Variants in TRPM3 observed in about 807,000 individuals in gnomAD.
TRPM3 encodes the protein long transient receptor potential channel 3.
Under a neutral mutation model 181.2 loss-of-function variants are expected in TRPM3, and 77 were observed. That is an observed-to-expected ratio of 0.42 (90% CI 0.35 to 0.51). TRPM3 has a LOEUF of 0.51. Among genes scored for constraint, TRPM3 ranks in the 20% least tolerant of loss-of-function variants. TRPM3 has a pLI of 0.01. For missense variants in TRPM3, 1,759 were observed against 2,196.7 expected, an observed-to-expected ratio of 0.80 and a Z score of 3.98; for synonymous variants, 745 against 796.4, an observed-to-expected ratio of 0.94 and a Z score of 1.09.
chr9:70,608,950 A>AGAT, intron 19 of TRPM3, among the ~76,000 whole-genome samples: 1 of 152,294 alleles, frequency 6.6e-6, no homozygotes, highest in South Asian at 2.1e-4. Flanking sequence ...AATAAAAGAA[A>AGAT]GATATTATTT....
chr9:70,885,827 C>G (rs193058482), intron 1 of TRPM3, among the ~76,000 whole-genome samples: 17 of 152,264 alleles, frequency 1.1e-4, no homozygotes, highest in Non-Finnish European at 1.0e-4. Context: ...TTTTCCCTAT[C>G]TCTTTCACCC....
At chr9:70,959,368 C>T (rs755033790) in intron 1 of TRPM3, among the ~76,000 whole-genome samples, 1 of 151,304 alleles carries the variant, frequency 6.6e-6, no homozygotes, top group African/African-American at 2.4e-5. Context: ...CTGTGGGCCC[C>T]AACATTCTGA....
intron 1 of TRPM3, among the ~76,000 whole-genome samples, chr9:71,115,753 C>A (rs1160530394): frequency 6.6e-6 from 1 of 152,174 alleles, no homozygotes; most frequent in Non-Finnish European, 1.5e-5. Flanking sequence ...CCAGTGACCA[C>A]ACATTTTCAT....
At chr9:70,754,947 T>C (rs1796595965) in intron 8 of TRPM3, among the ~76,000 whole-genome samples, 1 of 152,162 alleles carries the variant, frequency 6.6e-6, no homozygotes, top group African/African-American at 2.4e-5. Flanking sequence ...TTCCTTTCCT[T>C]GTCTCTGCAA....
chr9:70,751,003 G>T (rs2076043940), intron 8 of TRPM3, among the ~76,000 whole-genome samples: 1 of 151,762 alleles, frequency 6.6e-6, no homozygotes, highest in African/African-American at 2.4e-5. Flanking sequence ...GGTCTTATAA[G>T]GAAATACCTA....
chr9:71,198,553 A>T (rs889448932), intron 1 of TRPM3, among the ~76,000 whole-genome samples: 6 of 152,048 alleles, frequency 3.9e-5, no homozygotes, highest in African/African-American at 1.4e-4. Flanking sequence ...TTCATTGAGC[A>T]GTAGTTTGTA....
At chr9:70,774,840 T>C (rs996526098) in intron 7 of TRPM3, 4 of 151,136 alleles carry the variant, frequency 2.6e-5, no homozygotes, top group South Asian at 2.1e-4. Context: ...GTCCAACAAT[T>C]AGGATAGTGC....
chr9:71,334,960 A>G (rs891678321), intron 1 of TRPM3, among the ~76,000 whole-genome samples: 2 of 152,128 alleles, frequency 1.3e-5, no homozygotes, highest in African/African-American at 4.8e-5. Context: ...AGAATCACTG[A>G]AGAGAAATCA....
At chr9:71,003,617 A>T (rs936096178) in intron 1 of TRPM3, among the ~76,000 whole-genome samples, 3 of 152,064 alleles carry the variant, frequency 2.0e-5, no homozygotes, top group Admixed American at 6.5e-5. Flanking sequence ...TGATCTTTTG[A>T]ATTTTTACCA....
rs559766500 is a variant in TRPM3, at chr9:71,286,167, C to T, written c.183+160486G>A. On this transcript the variant is annotated intron_variant, in intron 1 of 24. Transcript: ENST00000357533. ...TAAGGTAGCGAGGTATGGGAATCAC[C>T]GCAATTTTGTGAGGTGTCATCAGAC... Among the ~76,000 whole-genome samples the T allele has an allele frequency of 7.9e-5, 12 of 152,118 alleles. No individual in the cohort carries two copies. The South Asian group carries it at 1.2e-3, about 16-fold the overall frequency.
intron 22 of TRPM3, among the ~76,000 whole-genome samples, chr9:70,557,452 G>T (rs1416409169): frequency 1.3e-5 from 2 of 152,214 alleles, no homozygotes; most frequent in African/African-American, 4.8e-5. Context: ...TTCTATAATG[G>T]TTTCTAATGA....
At chr9:71,282,235 G>C (rs1159957974) in intron 1 of TRPM3, among the ~76,000 whole-genome samples, 1 of 75,224 alleles carries the variant, frequency 1.3e-5, no homozygotes, top group Non-Finnish European at 2.7e-5. Context: ...GAAAGAAAAA[G>C]AAAGAATGAA....
intron 1 of TRPM3, among the ~76,000 whole-genome samples, chr9:71,089,555 A>G (rs983183569): frequency 6.6e-6 from 1 of 151,698 alleles, no homozygotes; most frequent in Admixed American, 6.6e-5. Flanking sequence ...GTATAAAATA[A>G]TATTTGGACA....
intron 1 of TRPM3, chr9:70,917,395 C>T (rs1375155957): frequency 1.1e-6 from 1 of 881,238 alleles, no homozygotes. Context: ...TCCAAGAGCT[C>T]AGTGGGGACA....
Position 71,134,829 on chromosome 9 carries a change from T to C in TRPM3, c.184-270318A>G, listed in dbSNP as rs538716648. On this transcript the variant is annotated intron_variant, in intron 1 of 24. Transcript: ENST00000357533. ...ACTTTGAAGCTCAGAGTCAATACCT[T>C]GAATTAAGCTCTGTGGACTTACAGC... Among the ~76,000 whole-genome samples, 4 of 152,316 alleles carry C rather than the reference T, an allele frequency of 2.6e-5. No homozygotes were observed. The East Asian group carries it at 7.7e-4, about 29-fold the overall frequency.
chr9:70,665,566 C>T (rs74916681), intron 9 of TRPM3, among the ~76,000 whole-genome samples: 1,552 of 152,260 alleles, frequency 0.01, 28 homozygotes, highest in African/African-American at 0.036. Flanking sequence ...CAGTACTTCG[C>T]AGGTGTCCCA....
chr9:70,749,495 C>T (rs2135033145), intron 8 of TRPM3, among the ~76,000 whole-genome samples: 1 of 152,124 alleles, frequency 6.6e-6, no homozygotes, highest in East Asian at 1.9e-4. Context: ...CAATAACTAG[C>T]ACAAATCCAA....
intron 1 of TRPM3, among the ~76,000 whole-genome samples, chr9:71,062,378 C>T (rs902277315): frequency 5.3e-5 from 8 of 152,048 alleles, no homozygotes; most frequent in Non-Finnish European, 2.9e-5. Flanking sequence ...TCTAAATACC[C>T]TCCTTTCTAT....
chr9:70,806,256 G>A (rs1049750539), intron 6 of TRPM3, among the ~76,000 whole-genome samples: 32 of 151,894 alleles, frequency 2.1e-4, no homozygotes, highest in Admixed American at 1.6e-3. Flanking sequence ...GAGGAGAAGT[G>A]CTGTTTGTTT....
Sources: gnomAD v4.1 joint callset for allele counts (sites outside exome capture counted in the v4.1 genomes callset) on GRCh38, gnomAD v4.1.1 for gene constraint, MANE v1.5 for transcripts, NCBI Gene and HGNC (gene_info 2026-07-23, HGNC 2026-07-21) for gene names.